OR51I2: variants seen among roughly 807,000 people sequenced by gnomAD.
The protein encoded by OR51I2 is olfactory receptor 51I2.
In OR51I2, 6 loss-of-function variants were observed where a neutral mutation model predicts 9.3. The ratio of observed to expected loss-of-function variants is 0.64; its 90% CI spans 0.35 to 1.27. OR51I2 has a LOEUF of 1.27. Ranked by LOEUF, OR51I2 falls within the 50% of genes most tolerant of loss-of-function variation. The pLI, the probability that OR51I2 is intolerant of heterozygous loss-of-function variation, is 0.03. For missense variants in OR51I2, 489 were observed against 396.4 expected, an observed-to-expected ratio of 1.23 and a Z score of -1.98; for synonymous variants, 179 against 143.1, an observed-to-expected ratio of 1.25 and a Z score of -1.79.
chr11:5,453,001 G>C (rs549476832), intron 1 of OR51I2, among the ~76,000 whole-genome samples: 1 of 150,198 alleles, frequency 6.7e-6, no homozygotes, highest in East Asian at 1.9e-4. Context: ...AACTTGCTCT[G>C]GGAAAGTCTC....
chr11:5,449,528 T>C (rs923712228), intron 1 of OR51I2, among the ~76,000 whole-genome samples, 164 bp downstream of exon 1: 3 of 152,188 alleles, frequency 2.0e-5, no homozygotes, highest in Non-Finnish European at 4.4e-5. Context: ...GCAGGAAAGA[T>C]CTCTGGACTT....
chr11:5,450,338 A>G (rs1027001114), intron 1 of OR51I2, among the ~76,000 whole-genome samples: 3 of 152,174 alleles, frequency 2.0e-5, no homozygotes, highest in Non-Finnish European at 4.4e-5. Context: ...GCAGTGAGCC[A>G]AGATTGCACC....
At chr11:5,452,982 A>G (rs890606643) in intron 1 of OR51I2, among the ~76,000 whole-genome samples, 1 of 152,066 alleles carries the variant, frequency 6.6e-6, no homozygotes, top group Non-Finnish European at 1.5e-5. Flanking sequence ...AGCACACAAC[A>G]TGATACAAAA....
rs1234695016 is a variant in OR51I2, at chr11:5,455,689, T to C, written c.*1262T>C. On this transcript the variant is annotated 3_prime_UTR_variant, in exon 2 of 2. Coordinates refer to ENST00000641930, the MANE Select transcript of OR51I2 (RefSeq NM_001004754.3). ...CATGGAAACTCATCCAGAAACCACGTAGTAGCAAAGCATATTGTTATCTAG... is the reference window on the plus strand; with the variant it reads ...CATGGAAACTCATCCAGAAACCACGCAGTAGCAAAGCATATTGTTATCTAG... 1 of 152,048 alleles carries C rather than the reference T, an allele frequency of 6.6e-6. No individual in the cohort carries two copies. The highest frequency in any genetic ancestry group is 2.4e-5 in the African/African-American group (1 of 41,376). The allele number at this position is 152,048 out of a possible 1,614,324, so 9.4% of individuals were successfully genotyped here.
chr11:5,454,332 T>C lies in OR51I2; in HGVS notation c.844T>C (p.Phe282Leu). The stretch of plus-strand genomic sequence containing the variant: ...TGTCCTCATGTCAAATGTGTACCTA[T>C]TTGTGCCTCCTGTGCTCAACCCTCT... ...IHVLMSNVYLFVPPVLNPLIY... is the reference protein window; with the variant it reads ...IHVLMSNVYLLVPPVLNPLIY... Residue 282 changes from phenylalanine (F) to leucine (L), a missense_variant, in exon 2 of 2, where the codon TTT (phenylalanine) becomes CTT (leucine). Physicochemically the swap from Phe to Leu is conservative, Grantham distance 22. Coordinates refer to ENST00000641930, the MANE Select transcript of OR51I2 (RefSeq NM_001004754.3). The C allele has an allele frequency of 1.2e-6, 2 of 1,614,162 alleles. No individual in the cohort carries two copies. The highest frequency in any genetic ancestry group is 1.7e-6 in the Non-Finnish European group (2 of 1,180,016).
In OR51I2 at chr11:5,454,161, G is replaced by A; in HGVS notation, c.673G>A (p.Val225Ile). 1 of 1,614,078 alleles carries A rather than the reference G, an allele frequency of 6.2e-7. No individual in the cohort carries two copies. Among genetic ancestry groups the A allele is most frequent in the South Asian group, 1.1e-5 (1 of 91,072 alleles). Residue 225 changes from valine (V) to isoleucine (I), a missense_variant, in exon 2 of 2, where the codon GTC (valine) becomes ATC (isoleucine). Coordinates refer to ENST00000641930, the MANE Select transcript of OR51I2 (RefSeq NM_001004754.3). ...CTCCTATGTGCTCATTCTGCGTTCT[G>A]TCATGGCCACTGCTTCCCGTGAGGA... ...FLSYVLILRS[V>I]MATASREERL... is the part of the protein sequence containing the mutation.
Position 5,454,939 on chromosome 11 carries a change from G to A in OR51I2, c.*512G>A, listed in dbSNP as rs755293994. The A allele has an allele frequency of 6.6e-5, 10 of 152,514 alleles. No homozygotes were observed. The highest frequency in any genetic ancestry group is 1.5e-4 in the Non-Finnish European group (10 of 68,316). The allele number at this position is 152,514 out of a possible 1,614,324, so 9.4% of individuals were successfully genotyped here. On this transcript the variant is annotated 3_prime_UTR_variant, in exon 2 of 2. Transcript: ENST00000641930. ...CACCCAACCGGTATAAATATGGCCT[G>A]ACGGTCAAATTGGCATCATTTAACA...
intron 1 of OR51I2, among the ~76,000 whole-genome samples, chr11:5,451,584 T>C (rs1850849874): frequency 2.0e-5 from 3 of 152,192 alleles, no homozygotes; most frequent in Non-Finnish European, 4.4e-5. Flanking sequence ...ATAGTACCTG[T>C]GAGTTATGTA....
chr11:5,454,131 TTCCTC>T lies in OR51I2; in HGVS notation c.648_652del (p.Ser217CysfsTer14). 2.5e-6 allele frequency: 4 copies of T among 1,614,226 alleles called. No homozygotes were observed. The highest frequency in any genetic ancestry group is 3.4e-6 in the Non-Finnish European group (4 of 1,180,036). The stretch of plus-strand genomic sequence containing the variant: ...CTTTGGCATGGACCTGTTTTTTATC[TTCCTC>T]TCCTATGTGCTCATTCTGCGTTCTG... On this transcript the variant is annotated frameshift_variant, in exon 2 of 2. Transcript: ENST00000641930. LOFTEE classifies it high-confidence loss of function.
rs144010484 is a variant in OR51I2, at chr11:5,454,096, T to G, written c.608T>G (p.Leu203Arg). 11 of 1,614,234 alleles carry G rather than the reference T, an allele frequency of 6.8e-6. No individual in the cohort carries two copies. Among genetic ancestry groups the G allele is most frequent in the Non-Finnish European group, 9.3e-6 (11 of 1,180,042 alleles). Residue 203 changes from leucine (L) to arginine (R), a missense_variant, in exon 2 of 2, where the codon CTT (leucine) becomes CGT (arginine). Physicochemically the swap from Leu to Arg is moderately radical, Grantham distance 102. Coordinates refer to ENST00000641930, the MANE Select transcript of OR51I2 (RefSeq NM_001004754.3). ...SINSIYGLFV[L>R]VSTFGMDLFF... The stretch of plus-strand genomic sequence containing the variant: ...AACAGCATCTATGGACTCTTTGTTC[T>G]TGTATCCACCTTTGGCATGGACCTG...
In OR51I2 at chr11:5,453,493, G is replaced by A; in HGVS notation, c.5G>A (p.Gly2Glu). ...GTACCCTAAGTTTGTTTTGCTATGG[G>A]GTTGTTCAATGTCACTCACCCTGCA... MGLFNVTHPAFF... is the reference protein window; with the variant it reads MELFNVTHPAFF... The change falls in exon 2 of 2, where the codon GGG becomes GAG. Residue 2 changes from glycine to glutamate, a missense_variant. Physicochemically the swap from Gly to Glu is moderately conservative, Grantham distance 98. Coordinates refer to ENST00000641930, the MANE Select transcript of OR51I2 (RefSeq NM_001004754.3). 6.5e-7 allele frequency: 1 copy of A among 1,542,018 alleles called. No homozygotes were observed. Among genetic ancestry groups the A allele is most frequent in the South Asian group, 1.3e-5 (1 of 78,178 alleles).
At chr11:5,449,871 A>C (rs1850818096) in intron 1 of OR51I2, among the ~76,000 whole-genome samples, 1 of 152,200 alleles carries the variant, frequency 6.6e-6, no homozygotes, top group Non-Finnish European at 1.5e-5. Context: ...TAAACTGTAG[A>C]TGAACAATGA....
rs1238037885 is a variant in OR51I2 at position 5,456,248 on chromosome 11, C to T, written c.*1821C>T. ...CAAGGAACAAGAAAATATGAGCCTC[C>T]CAAAAAGCCTCTGGCTCCTTTGTAC... On this transcript the variant is annotated 3_prime_UTR_variant, in exon 2 of 2. Coordinates refer to ENST00000641930, the MANE Select transcript of OR51I2 (RefSeq NM_001004754.3). The T allele has an allele frequency of 6.6e-6, 1 of 152,088 alleles. No homozygotes were observed. The allele number at this position is 152,088 out of a possible 1,614,324, so 9.4% of individuals were successfully genotyped here.
Position 5,453,322 on chromosome 11 carries a change from G to A in OR51I2, c.-167G>A. 1 of 460,910 alleles carries A rather than the reference G, an allele frequency of 2.2e-6. No individual in the cohort carries two copies. Among genetic ancestry groups the A allele is most frequent in the Non-Finnish European group, 3.8e-6 (1 of 264,778 alleles). 28.6% of individuals were successfully genotyped at this position (460,910 alleles called of 1,614,324 possible). ...AAATATGAAGAAAAGGAGTTTGCCT[G>A]CATCATCTCAAAAGCAGTGATTTCA... is the stretch of plus-strand genomic sequence containing the variant. On this transcript the variant is annotated 5_prime_UTR_variant, in exon 2 of 2. Coordinates refer to ENST00000641930, the MANE Select transcript of OR51I2 (RefSeq NM_001004754.3).
At chr11:5,449,834 T>C (rs1564816976) in intron 1 of OR51I2, among the ~76,000 whole-genome samples, 2 of 152,112 alleles carry the variant, frequency 1.3e-5, no homozygotes, top group South Asian at 4.1e-4. Flanking sequence ...CGTAAAAATC[T>C]CCAGGATATT....
At chr11:5,449,939 T>C (rs1031633118) in intron 1 of OR51I2, among the ~76,000 whole-genome samples, 3 of 152,202 alleles carry the variant, frequency 2.0e-5, no homozygotes, top group African/African-American at 7.2e-5. Flanking sequence ...CTGTGGTCTT[T>C]AGACAGCCTT....
Position 5,454,291 on chromosome 11 carries a change from T to C in OR51I2, c.803T>C (p.Val268Ala), listed in dbSNP as rs201937222. The C allele has an allele frequency of 3.1e-5, 50 of 1,614,026 alleles. No individual in the cohort carries two copies. The South Asian group carries it at 5.2e-4, about 17-fold the overall frequency. Residue 268 changes from valine to alanine, a missense_variant, in exon 2 of 2, where the codon GTC becomes GCC. Val to Ala is a moderately conservative substitution (Grantham distance 64, BLOSUM62 0). Transcript: ENST00000641930. ...ACAGTGCACCGCTTTGGGAAGCATG[T>C]CCCATGCTACATACATGTCCTCATG... Reference protein sequence around the residue: ...VSTVHRFGKHVPCYIHVLMSN... With the variant: ...VSTVHRFGKHAPCYIHVLMSN...
chr11:5,453,452 G>A lies in OR51I2; in HGVS notation c.-37G>A. 1 of 1,421,292 alleles carries A rather than the reference G, an allele frequency of 7.0e-7. No individual in the cohort carries two copies. Among genetic ancestry groups the A allele is most frequent in the Non-Finnish European group, 9.5e-7 (1 of 1,057,404 alleles). The allele number at this position is 1,421,292 out of a possible 1,614,324, so 88.0% of individuals were successfully genotyped here. A position where few individuals can be genotyped will look rare whatever the true frequency, so the allele number is the denominator to read the frequency against. ...ACTGTTAGAATTCTCCAAGTCAGAA[G>A]ATCTGACTCTGAAAAGTACCCTAAG... is the stretch of plus-strand genomic sequence containing the variant. On this transcript the variant is annotated 5_prime_UTR_variant, in exon 2 of 2. Transcript: ENST00000641930.
In OR51I2 at chr11:5,455,777, T is replaced by C. The variant is rs1464718523; in HGVS notation, c.*1350T>C. The C allele has an allele frequency of 1.3e-5, 2 of 152,118 alleles. No individual in the cohort carries two copies. The highest frequency in any genetic ancestry group is 2.9e-5 in the Non-Finnish European group (2 of 68,016). 9.4% of individuals were successfully genotyped at this position (152,118 alleles called of 1,614,324 possible). On this transcript the variant is annotated 3_prime_UTR_variant, in exon 2 of 2. Coordinates refer to ENST00000641930, the MANE Select transcript of OR51I2 (RefSeq NM_001004754.3). Reference sequence around the variant, plus strand: ...AGAGAGAGTCAGAAAGAGGGAGCTATTTTAAAAATGAGATAATGTAAGTAC... The same window carrying C: ...AGAGAGAGTCAGAAAGAGGGAGCTACTTTAAAAATGAGATAATGTAAGTAC...
Sources: gnomAD v4.1 joint callset for allele counts (sites outside exome capture counted in the v4.1 genomes callset) on GRCh38, gnomAD v4.1.1 for gene constraint, MANE v1.5 for transcripts, NCBI Gene and HGNC (gene_info 2026-07-23, HGNC 2026-07-21) for gene names.